The following JAK1 variants were observed in gnomAD, a reference collection of about 807,000 sequenced individuals.
JAK1 encodes the protein Janus kinase 1.
Under a neutral mutation model 136.6 loss-of-function variants are expected in JAK1, and 16 were observed. The observed-to-expected ratio is 0.12, with a 90% CI of 0.08 to 0.18. The LOEUF is 0.18. Among genes scored for constraint, JAK1 ranks in the 10% least tolerant of loss-of-function variants. The pLI, the probability that JAK1 is intolerant of heterozygous loss-of-function variation, is 1.00. For synonymous variants in JAK1, 492 were observed against 519.5 expected, an observed-to-expected ratio of 0.95 and a Z score of 0.72; for missense variants, 859 against 1,450.1, an observed-to-expected ratio of 0.59 and a Z score of 6.62.
At chr1:64,963,265 G>A (rs1332986255) in intron 1 of JAK1, among the ~76,000 whole-genome samples, 2 of 152,048 alleles carry the variant, frequency 1.3e-5, no homozygotes, top group African/African-American at 4.8e-5. Flanking sequence ...AAAGAAATTG[G>A]CAAGGATGTG....
intron 12 of JAK1, among the ~76,000 whole-genome samples, chr1:64,848,739 G>A (rs1314065758): frequency 6.6e-6 from 1 of 152,140 alleles, no homozygotes; most frequent in African/African-American, 2.4e-5. Context: ...GTAAACTGAA[G>A]ATCCATTATT....
At chr1:65,006,731 G>A (rs551171571) in intron 2 of JAK1, among the ~76,000 whole-genome samples, 1 of 152,208 alleles carries the variant, frequency 6.6e-6, no homozygotes, top group South Asian at 2.1e-4. Context: ...TTCAGTAGCA[G>A]GTACTTACCA....
intron 1 of JAK1, among the ~76,000 whole-genome samples, chr1:64,951,936 C>T (rs1200413888): frequency 2.0e-5 from 3 of 152,106 alleles, no homozygotes; most frequent in African/African-American, 4.8e-5. Context: ...GGATTACAGG[C>T]GTGAGCCACC....
intron 2 of JAK1, among the ~76,000 whole-genome samples, chr1:65,008,252 C>T (rs978684891): frequency 1.3e-5 from 2 of 152,044 alleles, no homozygotes; most frequent in African/African-American, 4.8e-5. Context: ...GGAGAAAAGC[C>T]CGGGCAAAAG....
intron 2 of JAK1, among the ~76,000 whole-genome samples, chr1:65,029,773 A>G (rs1647007162): frequency 6.6e-6 from 1 of 152,182 alleles, no homozygotes; most frequent in African/African-American, 2.4e-5. Flanking sequence ...ACGCATGGAC[A>G]CATAGAGGGG....
At position 64,910,382 on chromosome 1, in the gene JAK1, G is replaced by A. The variant is rs149892212; in HGVS notation, c.-77-24041C>T. ...AAACATGATCAAATGCATTGCTCTC[G>A]TTGTCAAAAAAGGGAAAAGAAAATG... On this transcript the variant is annotated intron_variant, in intron 1 of 24. Coordinates refer to ENST00000342505, the MANE Select transcript of JAK1 (RefSeq NM_002227.4). Among the ~76,000 whole-genome samples, 79 of 152,148 alleles carry A rather than the reference G, an allele frequency of 5.2e-4. No individual in the cohort carries two copies. In the Middle Eastern group the frequency reaches 0.024, roughly 46 times the overall value.
At chr1:64,916,741 G>T (rs917164109) in intron 1 of JAK1, among the ~76,000 whole-genome samples, 11 of 151,998 alleles carry the variant, frequency 7.2e-5, no homozygotes, top group African/African-American at 2.7e-4. Flanking sequence ...AGGAGGCTGA[G>T]GTGGGAGAAT....
rs183287852 is a variant in JAK1 at position 65,024,884 on chromosome 1, C to T, written c.-78+19596G>A. 3.9e-3 allele frequency among the ~76,000 whole-genome samples: 591 copies of T among 151,890 alleles called. 4 individuals are homozygous for T. The highest frequency in any genetic ancestry group is 7.6e-3 in the Non-Finnish European group (518 of 67,970). ...CTCAACTACTCAGGAGGCTGAGGCA[C>T]GAGAATCATTTGAACCCGGGAGGTA... On this transcript the variant is annotated intron_variant, in intron 2 of 25. Coordinates refer to the JAK1 transcript ENST00000671954.
intron 1 of JAK1, among the ~76,000 whole-genome samples, chr1:65,047,987 A>C (rs943810356): frequency 2.0e-5 from 3 of 152,186 alleles, no homozygotes; most frequent in Non-Finnish European, 4.4e-5. Flanking sequence ...TACCACAGGG[A>C]CTTCTGAGCC....
At chr1:64,871,156 C>T (rs1657050570) in intron 5 of JAK1, among the ~76,000 whole-genome samples, 1 of 152,152 alleles carries the variant, frequency 6.6e-6, no homozygotes. Flanking sequence ...CAGTATCTGC[C>T]TGGGGCTGTG....
intron 1 of JAK1, among the ~76,000 whole-genome samples, chr1:64,910,248 CAAGG>C (rs1368300810): frequency 2.0e-5 from 3 of 151,946 alleles, no homozygotes; most frequent in Non-Finnish European, 2.9e-5. Context: ...GACAAAAAGT[CAAGG>C]CTAGTGGAAA....
chr1:64,944,748 G>A (rs1014814580), intron 1 of JAK1, among the ~76,000 whole-genome samples: 1 of 152,108 alleles, frequency 6.6e-6, no homozygotes, highest in Admixed American at 6.6e-5. Context: ...TTATGTTGGG[G>A]ATACACACAC....
At chr1:64,859,082 C>A (rs1368125380) in intron 9 of JAK1, among the ~76,000 whole-genome samples, 2 of 152,240 alleles carry the variant, frequency 1.3e-5, no homozygotes, top group African/African-American at 4.8e-5. Flanking sequence ...CCCTATGAGT[C>A]TGTGAGCCTC....
chr1:64,874,533 G>GAAC lies in JAK1; in HGVS notation c.330-1011_330-1010insGTT, dbSNP rs1187345597. Reference sequence around the variant, plus strand: ...ATGCATGGATTGTCAATTGCACAGGGGGTTGGTGCCCCTAACCCTACCTTC... The same window carrying GAAC: ...ATGCATGGATTGTCAATTGCACAGGGAACGGTTGGTGCCCCTAACCCTACCTTC... On this transcript the variant is annotated intron_variant, in intron 4 of 24. Coordinates refer to ENST00000342505, the MANE Select transcript of JAK1 (RefSeq NM_002227.4). 2.0e-5 allele frequency among the ~76,000 whole-genome samples: 3 copies of GAAC among 151,948 alleles called. 1 individual carries two copies. The East Asian group carries it at 5.8e-4, about 29-fold the overall frequency.
intron 2 of JAK1, among the ~76,000 whole-genome samples, chr1:65,029,248 C>G: frequency 6.6e-6 from 1 of 152,100 alleles, no homozygotes. Flanking sequence ...GGACATGCAC[C>G]ACTGTGCCCA....
At chr1:64,923,606 C>G (rs11208538) in intron 1 of JAK1, among the ~76,000 whole-genome samples, 89,905 of 152,094 alleles carry the variant, frequency 0.59, 31,281 homozygotes, top group Middle Eastern at 0.82. Context: ...GACTAAACCA[C>G]TGTAACCACT....
chr1:64,941,660 T>C (rs1201094361), intron 1 of JAK1, among the ~76,000 whole-genome samples: 1 of 152,186 alleles, frequency 6.6e-6, no homozygotes, highest in Non-Finnish European at 1.5e-5. Context: ...ACAAACGGCC[T>C]ACATTTTGAA....
At chr1:64,933,982 C>G (rs966071945) in intron 1 of JAK1, among the ~76,000 whole-genome samples, 1 of 152,214 alleles carries the variant, frequency 6.6e-6, no homozygotes, top group African/African-American at 2.4e-5. Flanking sequence ...AAAAGACATA[C>G]AGCCAATGGC....
At chr1:64,994,161 A>C (rs1271581749) in intron 2 of JAK1, among the ~76,000 whole-genome samples, 1 of 152,140 alleles carries the variant, frequency 6.6e-6, no homozygotes, top group East Asian at 1.9e-4. Context: ...GGCTGGTCTC[A>C]AACTCTTGGG....
Sources: allele counts gnomAD v4.1 joint callset (sites outside exome capture counted in the v4.1 genomes callset), GRCh38; gene constraint gnomAD v4.1.1; transcripts MANE v1.5; gene names NCBI Gene and HGNC (gene_info 2026-07-23, HGNC 2026-07-21).